The following ZFAND6 variants were observed in gnomAD, a reference collection of about 807,000 sequenced individuals.
ZFAND6 encodes zinc finger AN1-type containing 6, also known as AN1-type zinc finger protein 6.
Under a neutral mutation model 24.5 loss-of-function variants are expected in ZFAND6, and 12 were observed. The observed-to-expected ratio is 0.49, with a 90% CI of 0.31 to 0.79. ZFAND6 has a LOEUF of 0.79. ZFAND6 is among the 30% of genes least tolerant of loss of function. ZFAND6 has a pLI of 0.04. For missense variants in ZFAND6, 207 were observed against 245.9 expected (o/e 0.84, Z 1.06); for synonymous variants, 92 against 81.5 (o/e 1.13, Z -0.69).
rs76531275 is a variant in ZFAND6, at chr15:80,095,365, C to T, written c.-180-3051C>T. Among the ~76,000 whole-genome samples the T allele has an allele frequency of 1.5e-4, 23 of 152,240 alleles. No homozygotes were observed. In the East Asian group the frequency reaches 3.5e-3, roughly 23 times the overall value. On this transcript the variant is annotated intron_variant, in intron 1 of 6. Transcript: ENST00000261749. ...TAGGAGGCACATGTCCACTTGTTTC[C>T]TTATCAGTGATACTTACTTAGATCT...
At chr15:80,079,903 G>A (rs970146143) in intron 1 of ZFAND6, among the ~76,000 whole-genome samples, 5 of 151,682 alleles carry the variant, frequency 3.3e-5, no homozygotes, top group Admixed American at 1.3e-4. Context: ...CACCTGCCTC[G>A]GCCTCCCAAA....
At chr15:80,093,939 C>G (rs946613198) in intron 1 of ZFAND6, among the ~76,000 whole-genome samples, 12 of 152,064 alleles carry the variant, frequency 7.9e-5, no homozygotes, top group Middle Eastern at 3.2e-3. Context: ...TGAGTCATAC[C>G]TTATCATCAG....
intron 5 of ZFAND6, among the ~76,000 whole-genome samples, chr15:80,129,307 A>T (rs753976119): frequency 7.2e-5 from 11 of 152,232 alleles, no homozygotes; most frequent in Non-Finnish European, 1.2e-4. Flanking sequence ...TGGTTTCAGC[A>T]TGTCTGAGTG....
chr15:80,093,482 C>T (rs1201347533), intron 1 of ZFAND6, among the ~76,000 whole-genome samples: 1 of 151,810 alleles, frequency 6.6e-6, no homozygotes, highest in Non-Finnish European at 1.5e-5. Flanking sequence ...AATCCCAGCA[C>T]TTTGGGAGGC....
At chr15:80,132,475 G>A (rs1374652587) in intron 6 of ZFAND6, among the ~76,000 whole-genome samples, 3 of 152,154 alleles carry the variant, frequency 2.0e-5, no homozygotes, top group African/African-American at 7.2e-5. Context: ...GCAGTATTAA[G>A]TGAGAGTGGC....
intron 6 of ZFAND6, among the ~76,000 whole-genome samples, chr15:80,135,999 G>T (rs1382018576): frequency 6.6e-6 from 1 of 152,070 alleles, no homozygotes; most frequent in Non-Finnish European, 1.5e-5. Flanking sequence ...GATGGCATGT[G>T]CCTGTAGTCC....
At chr15:80,058,990 G>A (rs2036189008), upstream of ZFAND6, among the ~76,000 whole-genome samples, 1 of 152,248 alleles carries the variant, frequency 6.6e-6, no homozygotes, top group Non-Finnish European at 1.5e-5. Context: ...ACGCAGGTGG[G>A]AACTGACCCC....
At chr15:80,074,566 A>G (rs1017154340) in intron 1 of ZFAND6, among the ~76,000 whole-genome samples, 7 of 151,868 alleles carry the variant, frequency 4.6e-5, no homozygotes, top group African/African-American at 1.4e-4. Context: ...CTTAATTTTG[A>G]GTTTTTAAAA....
At chr15:80,091,469 A>T (rs983342678) in intron 1 of ZFAND6, among the ~76,000 whole-genome samples, 6 of 152,208 alleles carry the variant, frequency 3.9e-5, no homozygotes, top group African/African-American at 1.4e-4. Flanking sequence ...TTGCTTTCGC[A>T]GAGTTCCGTT....
chr15:80,083,123 C>G (rs2141864202), intron 1 of ZFAND6, among the ~76,000 whole-genome samples: 1 of 152,274 alleles, frequency 6.6e-6, no homozygotes, highest in African/African-American at 2.4e-5. Flanking sequence ...TCCCGAGTAG[C>G]TGGGACTACA....
intron 3 of ZFAND6, chr15:80,120,710 T>C (rs1272840291): frequency 1.6e-5 from 5 of 317,510 alleles, no homozygotes; most frequent in Non-Finnish European, 2.8e-5. Flanking sequence ...ATTCATACCA[T>C]AATCTTATTT....
intron 2 of ZFAND6, among the ~76,000 whole-genome samples, chr15:80,117,869 C>T (rs1264749841): frequency 6.6e-6 from 1 of 152,074 alleles, no homozygotes; most frequent in Non-Finnish European, 1.5e-5. Context: ...GCTATAGCAG[C>T]ATTTGTCCAT....
chr15:80,133,469 A>G (rs2040713105), intron 6 of ZFAND6, among the ~76,000 whole-genome samples: 1 of 152,118 alleles, frequency 6.6e-6, no homozygotes, highest in Non-Finnish European at 1.5e-5. Flanking sequence ...TGCTGGGATT[A>G]TAGAGTGGAA....
chr15:80,115,814 A>G (rs931838039), intron 2 of ZFAND6, among the ~76,000 whole-genome samples: 1 of 152,180 alleles, frequency 6.6e-6, no homozygotes, highest in African/African-American at 2.4e-5. Context: ...CAAGTTTTCA[A>G]ACTTTAATCT....
chr15:80,103,127 A>G lies in ZFAND6; in HGVS notation c.-18+4549A>G, dbSNP rs185063479. Among the ~76,000 whole-genome samples, 19 of 152,320 alleles carry G rather than the reference A, an allele frequency of 1.2e-4. No individual in the cohort carries two copies. The East Asian group carries it at 3.3e-3, about 26-fold the overall frequency. ...CAAGAGCTGATTTATAGGTATACAGATTGTCTTAGAAGGGAATGTTAGTAG... is the reference window on the plus strand; with the variant it reads ...CAAGAGCTGATTTATAGGTATACAGGTTGTCTTAGAAGGGAATGTTAGTAG... On this transcript the variant is annotated intron_variant, in intron 2 of 6. Coordinates refer to ENST00000261749, the MANE Select transcript of ZFAND6 (RefSeq NM_019006.4).
intron 1 of ZFAND6, among the ~76,000 whole-genome samples, chr15:80,062,471 G>A (rs1428979974): frequency 6.6e-6 from 1 of 152,216 alleles, no homozygotes; most frequent in Non-Finnish European, 1.5e-5. Flanking sequence ...GGAACACAGC[G>A]ACAAATTAGG....
chr15:80,073,812 A>AT, intron 1 of ZFAND6, among the ~76,000 whole-genome samples: 1 of 151,988 alleles, frequency 6.6e-6, no homozygotes, highest in African/African-American at 2.4e-5. Flanking sequence ...TAACTATGTA[A>AT]TTCTCTTAAA....
intron 2 of ZFAND6, among the ~76,000 whole-genome samples, chr15:80,114,760 G>A (rs2039790877): frequency 6.6e-6 from 1 of 152,114 alleles, no homozygotes; most frequent in Admixed American, 6.5e-5. Context: ...CAGTCTTAAA[G>A]CATTTAATCT....
intron 1 of ZFAND6, among the ~76,000 whole-genome samples, chr15:80,081,205 A>G (rs1287555948): frequency 6.6e-6 from 1 of 152,280 alleles, no homozygotes; most frequent in Non-Finnish European, 1.5e-5. Context: ...ATTGCCTAAA[A>G]TAATTGTTTC....
Sources: allele counts gnomAD v4.1 joint callset (sites outside exome capture counted in the v4.1 genomes callset), GRCh38; gene constraint gnomAD v4.1.1; transcripts MANE v1.5; gene names NCBI Gene and HGNC (gene_info 2026-07-23, HGNC 2026-07-21).